Variants in TUSC3 observed in about 807,000 individuals in gnomAD.
TUSC3 encodes the protein tumor suppressor candidate 3.
A neutral mutation model predicts 44.8 loss-of-function variants in TUSC3; 45 were observed. The observed-to-expected ratio is 1.00, with a 90% confidence interval of 0.79 to 1.29. The LOEUF (loss-of-function observed/expected upper bound fraction) is 1.29. TUSC3 is among the 50% of genes most tolerant of loss of function. The probability of loss-of-function intolerance (pLI) is 0.00; values close to 1 mark genes in which losing one functional copy is unlikely to be tolerated. For synonymous variants in TUSC3, 212 were observed against 152.9 expected (o/e 1.39, Z -2.85); for missense variants, 519 against 437.9 (o/e 1.19, Z -1.65).
At chr8:15,503,609 A>AG (rs1161243908) in intron 2 of TUSC3, among the ~76,000 whole-genome samples, 1 of 152,094 alleles carries the variant, frequency 6.6e-6, no homozygotes, top group African/African-American at 2.4e-5. Flanking sequence ...AAGGCTAAGA[A>AG]GGGGGGATTG....
chr8:15,748,720 A>G, intron 9 of TUSC3: 1 of 618,952 alleles, frequency 1.6e-6, no homozygotes. Flanking sequence ...AATGAGGTTT[A>G]AGCTCATTTT....
chr8:15,537,179 C>T (rs1259974666), upstream of TUSC3, among the ~76,000 whole-genome samples: 2 of 151,988 alleles, frequency 1.3e-5, no homozygotes, highest in Non-Finnish European at 2.9e-5. Flanking sequence ...TTGCTCTGCA[C>T]AATAAAACTT....
At position 15,659,589 on chromosome 8, in the gene TUSC3, G is replaced by T. The variant is rs756937528; in HGVS notation, c.509G>T (p.Arg170Ile). 5 of 1,613,516 alleles carry T rather than the reference G, an allele frequency of 3.1e-6. No homozygotes were observed. The highest frequency in any genetic ancestry group is 4.2e-6 in the Non-Finnish European group (5 of 1,179,714). Residue 170 changes from arginine (R) to isoleucine (I), a missense_variant, in exon 4 of 11, where the codon AGA becomes ATA. Arg to Ile is a moderately conservative substitution (Grantham distance 97). Coordinates refer to ENST00000503731, the MANE Select transcript of TUSC3 (RefSeq NM_006765.4). ...AGAGCTGATACTTTTGACCTCCAAAGAATTGGATTTGCAGCTGAGCAACTA... is the reference window on the plus strand; with the variant it reads ...AGAGCTGATACTTTTGACCTCCAAATAATTGGATTTGCAGCTGAGCAACTA... ...PKRADTFDLQ[R>I]IGFAAEQLAK... is the part of the protein sequence containing the mutation.
chr8:15,526,647 A>G (rs1264606181), intron 2 of TUSC3, among the ~76,000 whole-genome samples: 1 of 152,092 alleles, frequency 6.6e-6, no homozygotes, highest in Non-Finnish European at 1.5e-5. Flanking sequence ...GCCTTCTGCC[A>G]TGATTGTGAG....
intron 1 of TUSC3, among the ~76,000 whole-genome samples, chr8:15,449,888 C>G (rs2129120107): frequency 6.6e-6 from 1 of 152,152 alleles, no homozygotes. Flanking sequence ...ACATAAATAT[C>G]TACCATTGTG....
intron 1 of TUSC3, among the ~76,000 whole-genome samples, chr8:15,593,333 G>T (rs58877012): frequency 6.6e-6 from 1 of 152,022 alleles, no homozygotes; most frequent in East Asian, 1.9e-4. Flanking sequence ...TGATCCGCCC[G>T]CTTCGGCCTC....
At position 15,765,994 on chromosome 8, in the gene TUSC3, C is replaced by G. The variant is rs577974257; in HGVS notation, c.*1838C>G. On this transcript the variant is annotated 3_prime_UTR_variant, in exon 11 of 11. Coordinates refer to ENST00000503731, the MANE Select transcript of TUSC3 (RefSeq NM_006765.4). Reference sequence around the variant, plus strand: ...AATGATATTACAAATTATCTCTAATCTCACTGTAAATCTTTTAATCATATC... The same window carrying G: ...AATGATATTACAAATTATCTCTAATGTCACTGTAAATCTTTTAATCATATC... The G allele has an allele frequency of 6.6e-6, 1 of 152,052 alleles. No homozygotes were observed. Among genetic ancestry groups the G allele is most frequent in the Non-Finnish European group, 1.5e-5 (1 of 67,964 alleles). The allele number at this position is 152,052 out of a possible 1,614,324, so 9.4% of individuals were successfully genotyped here. A position where few individuals can be genotyped will look rare whatever the true frequency, so the allele number is the denominator to read the frequency against.
intron 1 of TUSC3, among the ~76,000 whole-genome samples, chr8:15,607,529 G>C: frequency 6.6e-6 from 1 of 152,222 alleles, no homozygotes; most frequent in African/African-American, 2.4e-5. Flanking sequence ...TTGTCATTAA[G>C]TAAAATTTAC....
At chr8:15,484,478 G>A (rs978252991) in intron 2 of TUSC3, among the ~76,000 whole-genome samples, 2 of 152,194 alleles carry the variant, frequency 1.3e-5, no homozygotes, top group East Asian at 3.8e-4. Context: ...AGGACATAGA[G>A]CAAGTACGAA....
chr8:15,603,262 G>A (rs571839227), intron 1 of TUSC3, among the ~76,000 whole-genome samples: 15 of 151,738 alleles, frequency 9.9e-5, no homozygotes, highest in African/African-American at 3.4e-4. Flanking sequence ...AACAATATAT[G>A]TATAATGTCA....
intron 2 of TUSC3, among the ~76,000 whole-genome samples, chr8:15,646,376 G>A (rs576605924): frequency 6.2e-4 from 95 of 152,176 alleles, no homozygotes; most frequent in African/African-American, 2.2e-3. Flanking sequence ...TCTTCATTAT[G>A]TACGTAGTGG....
chr8:15,442,826 C>T (rs1260938036), intron 1 of TUSC3, among the ~76,000 whole-genome samples: 1 of 152,140 alleles, frequency 6.6e-6, no homozygotes, highest in African/African-American at 2.4e-5. Flanking sequence ...TAGACCTCAG[C>T]CTTGGTCTTC....
intron 1 of TUSC3, among the ~76,000 whole-genome samples, chr8:15,583,721 T>C (rs906881872): frequency 1.3e-5 from 2 of 152,240 alleles, no homozygotes; most frequent in Non-Finnish European, 2.9e-5. Flanking sequence ...GTACATGCCA[T>C]ATTTTGTGGG....
chr8:15,504,609 ATATATATATATATT>A (rs1222405816), intron 2 of TUSC3, among the ~76,000 whole-genome samples: 38 of 25,972 alleles, frequency 1.5e-3, no homozygotes, highest in East Asian at 4.4e-3. Flanking sequence ...ATATATATAT[ATATATATATATATT>A]TTTTTTTTTT....
chr8:15,438,921 A>T (rs73189491), intron 1 of TUSC3, among the ~76,000 whole-genome samples: 24,721 of 152,174 alleles, frequency 0.16, 2,087 homozygotes, highest in Middle Eastern at 0.22. Context: ...ACCCAATTTA[A>T]AATGGTGTGG....
chr8:15,518,735 G>C (rs971014174), intron 2 of TUSC3, among the ~76,000 whole-genome samples: 3 of 152,070 alleles, frequency 2.0e-5, no homozygotes, highest in East Asian at 1.9e-4. Flanking sequence ...GTTTATGTAG[G>C]GGTACATTTA....
intron 2 of TUSC3, among the ~76,000 whole-genome samples, chr8:15,530,784 T>G (rs1425368243): frequency 6.6e-6 from 1 of 152,222 alleles, no homozygotes; most frequent in East Asian, 1.9e-4. Flanking sequence ...TTATATGTAT[T>G]GTTTTATTTC....
At chr8:15,589,459 G>C (rs905284097) in intron 1 of TUSC3, among the ~76,000 whole-genome samples, 1 of 152,178 alleles carries the variant, frequency 6.6e-6, no homozygotes, top group Non-Finnish European at 1.5e-5. Flanking sequence ...CATAAAGATG[G>C]AAGTTTTAGG....
At chr8:15,491,679 A>G (rs572018725) in intron 2 of TUSC3, among the ~76,000 whole-genome samples, 6 of 152,302 alleles carry the variant, frequency 3.9e-5, no homozygotes, top group African/African-American at 1.4e-4. Context: ...TACAAGGAAG[A>G]GGCTGGAGAA....
Sources: allele counts gnomAD v4.1 joint callset (sites outside exome capture counted in the v4.1 genomes callset), GRCh38; gene constraint gnomAD v4.1.1; transcripts MANE v1.5; gene names NCBI Gene and HGNC (gene_info 2026-07-23, HGNC 2026-07-21).